The following RYR3 variants were observed in gnomAD, a reference collection of about 807,000 sequenced individuals.
RYR3 encodes ryanodine receptor 3.
In RYR3, 207 loss-of-function variants were observed where a neutral mutation model predicts 584.3. The observed-to-expected ratio is 0.35, with a 90% CI of 0.32 to 0.40. RYR3 has a LOEUF of 0.40. Ranked by LOEUF, RYR3 falls within the 10% of genes least tolerant of loss-of-function variation. RYR3 has a pLI of 1.00. For missense variants in RYR3, 5,616 were observed against 6,089.2 expected, an observed-to-expected ratio of 0.92 and a Z score of 2.59; for synonymous variants, 2,416 against 2,248.5, an observed-to-expected ratio of 1.07 and a Z score of -2.11.
In RYR3 at chr15:33,739,695, G is replaced by T. The variant is rs148606912; in HGVS notation, c.7657-137G>T. ...CATTTCCACCAGAAAATATTTAAGG[G>T]GTTACACATTTCCCGTTTTGGTTAA... On this transcript the variant is annotated intron_variant, in intron 50 of 103. Coordinates refer to ENST00000634891, the MANE Select transcript of RYR3 (RefSeq NM_001036.6). 1.3e-3 allele frequency: 826 copies of T among 615,500 alleles called. 12 individuals are homozygous for T. In the African/African-American group the frequency reaches 0.014, roughly 11 times the overall value. The allele number at this position is 615,500 out of a possible 1,614,324, so 38.1% of individuals were successfully genotyped here.
chr15:33,418,601 TA>T (rs984787830), intron 1 of RYR3, among the ~76,000 whole-genome samples: 35 of 152,122 alleles, frequency 2.3e-4, no homozygotes, highest in African/African-American at 7.5e-4. Flanking sequence ...CTTTATCTTA[TA>T]GAATGAGGCT....
chr15:33,574,906 A>G (rs952148970), intron 12 of RYR3, among the ~76,000 whole-genome samples: 4 of 152,188 alleles, frequency 2.6e-5, no homozygotes, highest in African/African-American at 4.8e-5. Context: ...AAAGACATGC[A>G]TAAGCTTGAA....
At chr15:33,520,226 T>C (rs1224508136) in intron 3 of RYR3, among the ~76,000 whole-genome samples, 3 of 152,226 alleles carry the variant, frequency 2.0e-5, no homozygotes, top group Non-Finnish European at 4.4e-5. Context: ...TACTCCTATT[T>C]TGTTATCTAT....
At chr15:33,428,757 T>A (rs1394055972) in intron 1 of RYR3, among the ~76,000 whole-genome samples, 2 of 152,168 alleles carry the variant, frequency 1.3e-5, no homozygotes. Flanking sequence ...ATTTTTAAGA[T>A]GAGTAATAAA....
chr15:33,631,383 C>T (rs1046165538), intron 23 of RYR3, 90 bp downstream of exon 23: 5 of 806,742 alleles, frequency 6.2e-6, no homozygotes, highest in Non-Finnish European at 1.0e-5. Context: ...AGACAACAGC[C>T]CACATAGTTG....
At chr15:33,522,112 A>T (rs1267756636) in intron 3 of RYR3, among the ~76,000 whole-genome samples, 6 of 149,946 alleles carry the variant, frequency 4.0e-5, no homozygotes, top group Admixed American at 6.6e-5. Context: ...AAAAAAAAAA[A>T]ACTAGCCAGG....
At chr15:33,719,447 G>C (rs1393814182) in intron 43 of RYR3, among the ~76,000 whole-genome samples, 1 of 152,320 alleles carries the variant, frequency 6.6e-6, no homozygotes, top group Admixed American at 6.5e-5. Context: ...GGTAAAATCG[G>C]TGGCTGACCC....
intron 2 of RYR3, among the ~76,000 whole-genome samples, chr15:33,500,766 A>G (rs2051905985): frequency 6.6e-6 from 1 of 152,210 alleles, no homozygotes; most frequent in South Asian, 2.1e-4. Flanking sequence ...CAAACAAATT[A>G]GCTTTAATGG....
intron 19 of RYR3, among the ~76,000 whole-genome samples, chr15:33,620,753 G>T (rs1476388666): frequency 6.6e-6 from 1 of 152,174 alleles, no homozygotes; most frequent in African/African-American, 2.4e-5. Flanking sequence ...CGCTTCTCAC[G>T]GACTCTGGGT....
intron 1 of RYR3, among the ~76,000 whole-genome samples, chr15:33,324,380 A>G (rs1460695296): frequency 6.6e-6 from 1 of 152,236 alleles, no homozygotes; most frequent in Non-Finnish European, 1.5e-5. Flanking sequence ...GATAAGGAGT[A>G]GGAGCACAGA....
At chr15:33,415,857 C>A (rs1199819796) in intron 1 of RYR3, among the ~76,000 whole-genome samples, 1 of 152,116 alleles carries the variant, frequency 6.6e-6, no homozygotes. Context: ...CTTCTCCCCA[C>A]CTTCATCCCT....
chr15:33,533,268 A>G (rs1224401131), intron 4 of RYR3, 43 bp from the exon 5 acceptor site: 8 of 1,371,832 alleles, frequency 5.8e-6, no homozygotes, highest in East Asian at 2.4e-5. Context: ...CCAAGACTCA[A>G]TGGAAGAGTG....
intron 73 of RYR3, 33 bp from the exon 74 acceptor site, chr15:33,813,434 T>G (rs1359406163): frequency 6.4e-7 from 1 of 1,566,914 alleles, no homozygotes; most frequent in Non-Finnish European, 8.8e-7. Flanking sequence ...AAGATCAGCC[T>G]AATGTGCACC....
intron 92 of RYR3, 52 bp from the exon 93 acceptor site, chr15:33,844,810 A>G (rs1287330910): frequency 5.3e-6 from 8 of 1,502,658 alleles, no homozygotes; most frequent in Admixed American, 1.8e-5. Context: ...GGAGAGCCCA[A>G]TGGCTGAGGT....
chr15:33,372,645 G>A (rs1242106163), intron 1 of RYR3, among the ~76,000 whole-genome samples: 3 of 152,042 alleles, frequency 2.0e-5, no homozygotes, highest in Non-Finnish European at 2.9e-5. Context: ...GATTACAGGC[G>A]TGAGCCACCA....
intron 62 of RYR3, among the ~76,000 whole-genome samples, chr15:33,771,368 T>C (rs1001087731): frequency 2.0e-5 from 3 of 152,098 alleles, no homozygotes; most frequent in Non-Finnish European, 2.9e-5. Context: ...ACCCCGTCTC[T>C]ACTAAAAATA....
At chr15:33,717,429 C>T (rs2067578994) in intron 43 of RYR3, among the ~76,000 whole-genome samples, 1 of 152,188 alleles carries the variant, frequency 6.6e-6, no homozygotes, top group Non-Finnish European at 1.5e-5. Flanking sequence ...TAGACAGCAT[C>T]CTTGAATCAA....
At chr15:33,790,804 A>G (rs1372401869) in intron 67 of RYR3, among the ~76,000 whole-genome samples, 1 of 152,186 alleles carries the variant, frequency 6.6e-6, no homozygotes, top group Non-Finnish European at 1.5e-5. Flanking sequence ...GGTCAGGTAG[A>G]AGAAGAGGAA....
chr15:33,865,051 G>A (rs1260007803), intron 103 of RYR3, 80 bp from the exon 104 acceptor site: 1 of 1,026,722 alleles, frequency 9.7e-7, no homozygotes, highest in Non-Finnish European at 1.5e-6. Context: ...CCTAAAGGGA[G>A]CCACAAAGAA....
Sources: gnomAD v4.1 joint callset for allele counts (sites outside exome capture counted in the v4.1 genomes callset) on GRCh38, gnomAD v4.1.1 for gene constraint, MANE v1.5 for transcripts, NCBI Gene and HGNC (gene_info 2026-07-23, HGNC 2026-07-21) for gene names.